COG6: variants seen among roughly 807,000 people sequenced by gnomAD.
The protein encoded by COG6 is conserved oligomeric Golgi complex subunit 6.
In COG6, 74 loss-of-function variants were observed where a neutral mutation model predicts 88.8. The observed-to-expected ratio is 0.83, with a 90% CI of 0.69 to 1.01. COG6 has a LOEUF of 1.01. Ranked by LOEUF, COG6 falls within the 50% of genes least tolerant of loss-of-function variation. The probability of loss-of-function intolerance (pLI) is 0.00; values close to 1 mark genes in which losing one functional copy is unlikely to be tolerated. For missense variants in COG6, 800 were observed against 797.9 expected, an observed-to-expected ratio of 1.00 and a Z score of -0.03; for synonymous variants, 286 against 278.7, an observed-to-expected ratio of 1.03 and a Z score of -0.26.
At chr13:39,686,525 C>T (rs1876648231) in intron 8 of COG6, among the ~76,000 whole-genome samples, 1 of 152,136 alleles carries the variant, frequency 6.6e-6, no homozygotes, top group South Asian at 2.1e-4. Context: ...CTTCTTAATA[C>T]ATGTTTTTTA....
At chr13:39,766,163 G>A (rs968452051) in intron 18 of COG6, among the ~76,000 whole-genome samples, 5 of 152,186 alleles carry the variant, frequency 3.3e-5, no homozygotes, top group African/African-American at 1.2e-4. Flanking sequence ...CAGTTGAGCA[G>A]TGGCTACACA....
intron 13 of COG6, among the ~76,000 whole-genome samples, chr13:39,710,772 A>C (rs1349499556): frequency 6.6e-6 from 1 of 152,096 alleles, no homozygotes; most frequent in Non-Finnish European, 1.5e-5. Flanking sequence ...TTTGTATTTC[A>C]TACAAACTCT....
At chr13:39,754,187 G>A (rs896315848), downstream of COG6, among the ~76,000 whole-genome samples, 5 of 152,002 alleles carry the variant, frequency 3.3e-5, no homozygotes, top group Non-Finnish European at 7.4e-5. Flanking sequence ...CTAAAAGTTG[G>A]CATACTCTAG....
rs536046842 is a variant in COG6 at position 39,677,170 on chromosome 13, T to C, written c.429-298T>C. Among the ~76,000 whole-genome samples the C allele has an allele frequency of 2.0e-5, 3 of 152,320 alleles. No individual in the cohort carries two copies. In the South Asian group the frequency reaches 6.2e-4, roughly 32 times the overall value. ...CTGCAAGGTGAACTATTTAAGTACT[T>C]GTAAGTGGCTGCAAATTTGTAATGC... On this transcript the variant is annotated intron_variant, in intron 4 of 18. Transcript: ENST00000455146.
chr13:39,663,396 G>A (rs531878924), intron 3 of COG6, among the ~76,000 whole-genome samples: 1 of 152,096 alleles, frequency 6.6e-6, no homozygotes, highest in Non-Finnish European at 1.5e-5. Context: ...ATTTTGTGAA[G>A]CATTCTTTTT....
At chr13:39,725,624 A>C (rs1436965676) in intron 17 of COG6, among the ~76,000 whole-genome samples, 1 of 151,892 alleles carries the variant, frequency 6.6e-6, no homozygotes, top group Non-Finnish European at 1.5e-5. Context: ...AGACTAAATG[A>C]GACAAATAAG....
At chr13:39,788,208 T>G in intron 18 of COG6, 1 of 934,422 alleles carries the variant, frequency 1.1e-6, no homozygotes, top group Non-Finnish European at 1.7e-6. Context: ...CACATGGTAA[T>G]CAGTATATGG....
chr13:39,743,802 AAAG>A (rs1393531194), intron 18 of COG6, among the ~76,000 whole-genome samples: 1 of 152,316 alleles, frequency 6.6e-6, no homozygotes, highest in East Asian at 1.9e-4. Flanking sequence ...CACAACAAAA[AAAG>A]AGAATTTTAG....
intron 10 of COG6, among the ~76,000 whole-genome samples, chr13:39,689,346 A>G (rs1031377913): frequency 3.3e-5 from 5 of 152,162 alleles, no homozygotes; most frequent in Non-Finnish European, 7.4e-5. Flanking sequence ...TATATTTTTC[A>G]TCTTTATACC....
chr13:39,672,165 G>T (rs906962582), intron 4 of COG6, among the ~76,000 whole-genome samples: 5 of 151,920 alleles, frequency 3.3e-5, no homozygotes, highest in African/African-American at 1.2e-4. Context: ...GGAGTGGAAA[G>T]TATCAAGCTG....
In COG6 at chr13:39,687,542, A is replaced by C. The variant is rs886050225; in HGVS notation, c.828A>C (p.Thr276=). The C allele has an allele frequency of 6.2e-7, 1 of 1,613,202 alleles. No individual in the cohort carries two copies. Among genetic ancestry groups the C allele is most frequent in the Non-Finnish European group, 8.5e-7 (1 of 1,179,416 alleles). ...AATTTGGAACAGCCAGAAGAAGTACAGTTGTTCGTGGATTTATTGATGCGC... is the reference window on the plus strand; with the variant it reads ...AATTTGGAACAGCCAGAAGAAGTACCGTTGTTCGTGGATTTATTGATGCGC... ...LDEFGTARRS[T]VVRGFIDALT... The change falls in exon 9 of 19, where the codon ACA becomes ACC. Residue 276 remains threonine (T), a synonymous_variant. Coordinates refer to ENST00000455146, the MANE Select transcript of COG6 (RefSeq NM_020751.3).
chr13:39,761,397 G>C (rs1018945839), intron 18 of COG6, among the ~76,000 whole-genome samples: 1 of 151,962 alleles, frequency 6.6e-6, no homozygotes, highest in Admixed American at 6.6e-5. Context: ...ATGGATAAAA[G>C]ACTTAAATGT....
chr13:39,712,083 C>T (rs906755653), intron 13 of COG6, among the ~76,000 whole-genome samples: 20 of 152,214 alleles, frequency 1.3e-4, no homozygotes, highest in African/African-American at 4.8e-4. Context: ...TGGTCTCGAA[C>T]TCCTGACCTC....
chr13:39,786,677 G>A (rs943371387), intron 18 of COG6, among the ~76,000 whole-genome samples: 47 of 152,280 alleles, frequency 3.1e-4, no homozygotes, highest in Admixed American at 2.9e-3. Context: ...CCCAGGAAGA[G>A]CCACTCTGTG....
chr13:39,725,545 G>C (rs550160437), intron 17 of COG6, among the ~76,000 whole-genome samples: 3 of 151,810 alleles, frequency 2.0e-5, no homozygotes, highest in Non-Finnish European at 4.4e-5. Context: ...AGGCTCATAA[G>C]ATACCTAACA....
intron 13 of COG6, among the ~76,000 whole-genome samples, chr13:39,713,832 A>G (rs1878375057): frequency 6.6e-6 from 1 of 152,156 alleles, no homozygotes; most frequent in Non-Finnish European, 1.5e-5. Context: ...AAAGTGAGCT[A>G]TTTCTCCTCC....
At chr13:39,748,983 T>C (rs1880483019) in intron 18 of COG6, among the ~76,000 whole-genome samples, 1 of 152,220 alleles carries the variant, frequency 6.6e-6, no homozygotes, top group South Asian at 2.1e-4. Context: ...TATCCATTAT[T>C]ATCAAAAAAG....
chr13:39,689,845 A>G (rs201995001), intron 11 of COG6, 21 bp downstream of exon 11: 2 of 1,450,926 alleles, frequency 1.4e-6, no homozygotes, highest in Non-Finnish European at 1.9e-6. Context: ...TTGTTTTTAC[A>G]TATGCTATAT....
chr13:39,700,525 A>T (rs1014935765), intron 13 of COG6, among the ~76,000 whole-genome samples: 4 of 151,888 alleles, frequency 2.6e-5, no homozygotes, highest in Non-Finnish European at 5.9e-5. Context: ...GTTTGCATCA[A>T]CAGTTTACTA....
Sources: gnomAD v4.1 joint callset for allele counts (sites outside exome capture counted in the v4.1 genomes callset) on GRCh38, gnomAD v4.1.1 for gene constraint, MANE v1.5 for transcripts, NCBI Gene and HGNC (gene_info 2026-07-23, HGNC 2026-07-21) for gene names.